RPS6KC1: variants seen among roughly 807,000 people sequenced by gnomAD.
The protein encoded by RPS6KC1 is inactive ribosomal protein S6 kinase delta-1.
RPS6KC1 carries 54 observed loss-of-function variants against 103.8 expected under a neutral mutation model. The ratio of observed to expected loss-of-function variants is 0.52; its 90% CI spans 0.42 to 0.65. The LOEUF (loss-of-function observed/expected upper bound fraction) is 0.65, where lower values mean the gene tolerates loss of function less well. RPS6KC1 is among the 30% of genes least tolerant of loss of function. RPS6KC1 has a pLI of 0.00. For synonymous variants in RPS6KC1, 439 were observed against 438.7 expected (o/e 1.00, Z -0.01); for missense variants, 1,151 against 1,253.8 (o/e 0.92, Z 1.24).
At chr1:213,162,908 G>T (rs1338144128) in intron 6 of RPS6KC1, among the ~76,000 whole-genome samples, 1 of 152,130 alleles carries the variant, frequency 6.6e-6, no homozygotes, top group Non-Finnish European at 1.5e-5. Flanking sequence ...CATTAATAGG[G>T]GGTTGACTAA....
chr1:213,521,265 A>G, the RPS6KC1 span, among the ~76,000 whole-genome samples: 5 of 152,330 alleles, frequency 3.3e-5, no homozygotes, highest in African/African-American at 1.2e-4. Context: ...CCCAGTGCAT[A>G]TAAAAGTTAA....
chr1:213,521,322 A>G, the RPS6KC1 span, among the ~76,000 whole-genome samples: 11 of 152,216 alleles, frequency 7.2e-5, no homozygotes, highest in African/African-American at 2.7e-4. Flanking sequence ...AGCATTGTCT[A>G]AAAATGCACA....
chr1:213,408,281 G>C, the RPS6KC1 span, among the ~76,000 whole-genome samples: 33,587 of 152,076 alleles, frequency 0.22, 3,925 homozygotes, highest in Middle Eastern at 0.37. Flanking sequence ...GCAGGGCCTC[G>C]CACCCCTTCA....
intron 4 of RPS6KC1, among the ~76,000 whole-genome samples, chr1:213,107,230 CTG>C (rs1421930877): frequency 1.3e-5 from 2 of 152,218 alleles, no homozygotes. Context: ...GTGTGAGCTA[CTG>C]TGCCTGGCCA....
chr1:213,393,359 C>T, the RPS6KC1 span, among the ~76,000 whole-genome samples: 1 of 152,128 alleles, frequency 6.6e-6, no homozygotes, highest in East Asian at 1.9e-4. Context: ...CTTTTTCTTT[C>T]TCTTTTGGTC....
the RPS6KC1 span, among the ~76,000 whole-genome samples, chr1:213,487,703 A>T: frequency 6.6e-6 from 1 of 152,112 alleles, no homozygotes; most frequent in African/African-American, 2.4e-5. Context: ...CCTGGGTAAG[A>T]GTTGTATCCT....
At chr1:213,059,730 T>A (rs548369618) in intron 1 of RPS6KC1, among the ~76,000 whole-genome samples, 1 of 151,962 alleles carries the variant, frequency 6.6e-6, no homozygotes, top group Admixed American at 6.6e-5. Context: ...TGGAGTGCAA[T>A]GGCGTGATCT....
intron 5 of RPS6KC1, among the ~76,000 whole-genome samples, chr1:213,122,256 C>T (rs959373040): frequency 1.3e-5 from 2 of 151,896 alleles, no homozygotes; most frequent in East Asian, 3.9e-4. Flanking sequence ...TAATTCTTTA[C>T]GGTGTGTAGA....
the RPS6KC1 span, among the ~76,000 whole-genome samples, chr1:213,528,823 C>G: frequency 6.6e-6 from 1 of 152,168 alleles, no homozygotes; most frequent in Non-Finnish European, 1.5e-5. Flanking sequence ...AAATAAACCA[C>G]AGTGGGTCTG....
chr1:213,171,831 G>C (rs1243872536), intron 7 of RPS6KC1, among the ~76,000 whole-genome samples: 1 of 152,104 alleles, frequency 6.6e-6, no homozygotes. Context: ...CAGGAGACGG[G>C]GTATTAGGGT....
the RPS6KC1 span, among the ~76,000 whole-genome samples, chr1:213,283,543 TG>T: frequency 1.3e-5 from 2 of 152,140 alleles, no homozygotes; most frequent in African/African-American, 4.8e-5. Context: ...TGGTGTTCAC[TG>T]GGAAGCTCAG....
At chr1:213,623,275 A>T in the RPS6KC1 span, among the ~76,000 whole-genome samples, 1 of 152,210 alleles carries the variant, frequency 6.6e-6, no homozygotes, top group Non-Finnish European at 1.5e-5. Flanking sequence ...CTGAAGGTCT[A>T]TTCTGTGAAG....
At chr1:213,833,414 C>A in the RPS6KC1 span, among the ~76,000 whole-genome samples, 3 of 152,288 alleles carry the variant, frequency 2.0e-5, no homozygotes, top group African/African-American at 7.2e-5. Flanking sequence ...CATTCCTATT[C>A]AAATTGTGGC....
the RPS6KC1 span, among the ~76,000 whole-genome samples, chr1:213,363,792 T>C: frequency 1.8e-5 from 2 of 111,380 alleles, no homozygotes; most frequent in Non-Finnish European, 3.4e-5. Flanking sequence ...CTTTCTTTCT[T>C]TCTTTCTTTC....
chr1:213,842,525 T>A, the RPS6KC1 span, among the ~76,000 whole-genome samples: 51 of 152,256 alleles, frequency 3.3e-4, no homozygotes, highest in Non-Finnish European at 6.0e-4. Flanking sequence ...TATAAAAAGG[T>A]ATACATTACA....
chr1:213,216,865 T>C lies in RPS6KC1; in HGVS notation c.1045-13632T>C, dbSNP rs369759036. Among the ~76,000 whole-genome samples the C allele has an allele frequency of 5.2e-4, 79 of 151,542 alleles. No homozygotes were observed. In the South Asian group the frequency reaches 6.3e-3, roughly 12 times the overall value. On this transcript the variant is annotated intron_variant, in intron 8 of 14. Coordinates refer to ENST00000366960, the MANE Select transcript of RPS6KC1 (RefSeq NM_012424.6). ...CATACCAGAATCTCTGGGACACATT[T>C]AAAGCAGTGTGTAGAGGGAAATTTA...
the RPS6KC1 span, among the ~76,000 whole-genome samples, chr1:213,455,001 C>T: frequency 6.6e-6 from 1 of 152,274 alleles, no homozygotes; most frequent in East Asian, 1.9e-4. Context: ...CAACAGGTGC[C>T]TCAGGGAGCG....
At chr1:213,649,771 C>T in the RPS6KC1 span, among the ~76,000 whole-genome samples, 1 of 152,188 alleles carries the variant, frequency 6.6e-6, no homozygotes. Context: ...GTACCGAGCA[C>T]ATCTGACTCG....
chr1:213,159,221 A>G (rs2090216544), intron 6 of RPS6KC1, among the ~76,000 whole-genome samples: 1 of 152,186 alleles, frequency 6.6e-6, no homozygotes, highest in South Asian at 2.1e-4. Flanking sequence ...CTGAAGGAAG[A>G]AAGTCTGGAC....
Sources: allele counts gnomAD v4.1 joint callset (sites outside exome capture counted in the v4.1 genomes callset), GRCh38; gene constraint gnomAD v4.1.1; transcripts MANE v1.5; gene names NCBI Gene and HGNC (gene_info 2026-07-23, HGNC 2026-07-21).